The following EFTUD2 variants were observed in gnomAD, a reference collection of about 807,000 sequenced individuals.
EFTUD2 encodes elongation factor Tu GTP binding domain containing 2, also known as 116 kDa U5 small nuclear ribonucleoprotein component.
Under a neutral mutation model 114.3 loss-of-function variants are expected in EFTUD2, and 9 were observed. That is an observed-to-expected ratio of 0.08 (90% CI 0.05 to 0.14). The LOEUF (loss-of-function observed/expected upper bound fraction) is 0.14. EFTUD2 is among the 10% of genes least tolerant of loss of function. The pLI is 1.00. For synonymous variants in EFTUD2, 449 were observed against 462.3 expected (o/e 0.97, Z 0.37); for missense variants, 765 against 1,241.2 (o/e 0.62, Z 5.76).
At chr17:44,863,822 C>T (rs1414054384) in intron 14 of EFTUD2, 40 bp from the exon 15 acceptor site, 1 of 1,607,938 alleles carries the variant, frequency 6.2e-7, no homozygotes, top group Admixed American at 1.7e-5. Flanking sequence ...ACATGCCTTC[C>T]CAGGGAGCAC....
intron 13 of EFTUD2, among the ~76,000 whole-genome samples, chr17:44,865,863 G>T (rs2050738080): frequency 6.6e-6 from 1 of 151,806 alleles, no homozygotes; most frequent in African/African-American, 2.4e-5. Flanking sequence ...CCAGCCTGGA[G>T]TGCAGTGGTG....
chr17:44,853,444 T>G, intron 24 of EFTUD2, 54 bp from the exon 25 acceptor site: 15 of 1,612,294 alleles, frequency 9.3e-6, no homozygotes, highest in Admixed American at 5.0e-5. Context: ...TGGGGGCCTA[T>G]AGTCCCACTT....
At chr17:44,859,276 A>G (rs1344148091) in intron 18 of EFTUD2, 95 bp from the exon 19 acceptor site, 3 of 857,682 alleles carry the variant, frequency 3.5e-6, no homozygotes, top group Non-Finnish European at 6.0e-6. Flanking sequence ...GAAGTTGCCT[A>G]TCAGAAACAG....
At chr17:44,889,308 A>C (rs2051236514) in intron 2 of EFTUD2, among the ~76,000 whole-genome samples, 1 of 152,034 alleles carries the variant, frequency 6.6e-6, no homozygotes, top group East Asian at 1.9e-4. Context: ...AAATGGGAGG[A>C]GAGGATCTGG....
At chr17:44,872,361 C>T (rs1444974021) in intron 11 of EFTUD2, 85 bp downstream of exon 11, 14 of 1,573,628 alleles carry the variant, frequency 8.9e-6, no homozygotes, top group East Asian at 4.7e-5. Flanking sequence ...GGTGCTGATA[C>T]GAAGCCAATT....
chr17:44,874,969 A>G (rs558260864), intron 10 of EFTUD2, among the ~76,000 whole-genome samples: 2 of 152,338 alleles, frequency 1.3e-5, no homozygotes, highest in East Asian at 3.9e-4. Flanking sequence ...ATTTGCTACT[A>G]TTGCTGTTAG....
intron 1 of EFTUD2, among the ~76,000 whole-genome samples, chr17:44,897,567 ATTTT>A (rs984606154): frequency 6.6e-6 from 1 of 151,928 alleles, no homozygotes; most frequent in African/African-American, 2.4e-5. Context: ...TTACATTTTT[ATTTT>A]TTTATTTTTT....
chr17:44,864,916 G>A lies in EFTUD2; in HGVS notation c.1285+14C>T, dbSNP rs762384585. 25 of 1,613,206 alleles carry A rather than the reference G, an allele frequency of 1.5e-5. No individual in the cohort carries two copies. The highest frequency in any genetic ancestry group is 6.7e-5 in the African/African-American group (5 of 74,898). Reference sequence around the variant, plus strand: ...GAGGATGACAGAGTTAAGGGGCCACGAGCACATTATTACCTGTGAACTCGC... The same window carrying A: ...GAGGATGACAGAGTTAAGGGGCCACAAGCACATTATTACCTGTGAACTCGC... On this transcript the variant is annotated intron_variant, in intron 14 of 27. Coordinates refer to ENST00000426333, the MANE Select transcript of EFTUD2 (RefSeq NM_004247.4).
At chr17:44,891,761 A>T (rs2051284035) in intron 2 of EFTUD2, 1 of 152,222 alleles carries the variant, frequency 6.6e-6, no homozygotes, top group African/African-American at 2.4e-5. Context: ...GTATATTCAC[A>T]GAATTGTGCA....
At chr17:44,869,777 T>C (rs2050813624) in intron 11 of EFTUD2, among the ~76,000 whole-genome samples, 1 of 152,184 alleles carries the variant, frequency 6.6e-6, no homozygotes, top group South Asian at 2.1e-4. Context: ...TCCAAGCCAT[T>C]GAGGCTGAGC....
chr17:44,868,374 T>C (rs1373208202), intron 11 of EFTUD2, 24 bp from the exon 12 acceptor site: 2 of 1,611,002 alleles, frequency 1.2e-6, no homozygotes, highest in East Asian at 2.2e-5. Context: ...CACACAATTA[T>C]AATCTACCTA....
chr17:44,851,223 C>T lies in EFTUD2; in HGVS notation c.*51G>A, dbSNP rs180802836. 2.1e-6 allele frequency: 3 copies of T among 1,445,416 alleles called. No individual in the cohort carries two copies. Among genetic ancestry groups the T allele is most frequent in the South Asian group, 2.3e-5 (2 of 87,584 alleles). The allele number at this position is 1,445,416 out of a possible 1,614,324, so 89.5% of individuals were successfully genotyped here. A position where few individuals can be genotyped will look rare whatever the true frequency, so the allele number is the denominator to read the frequency against. ...TCATATGAGGTCTCAGCTTCAAGTA[C>T]AGGAGTTGCAGCCCACTGTAGGGAG... On this transcript the variant is annotated 3_prime_UTR_variant, in exon 28 of 28. Transcript: ENST00000426333.
rs2051472286 is a variant in EFTUD2 at position 44,899,431 on chromosome 17, C to A, written c.-67G>T. The A allele has an allele frequency of 6.6e-6, 1 of 152,666 alleles. No individual in the cohort carries two copies. The highest frequency in any genetic ancestry group is 2.4e-5 in the African/African-American group (1 of 41,464). The allele number at this position is 152,666 out of a possible 1,614,324, so 9.5% of individuals were successfully genotyped here. A position where few individuals can be genotyped will look rare whatever the true frequency, so the allele number is the denominator to read the frequency against. On this transcript the variant is annotated 5_prime_UTR_variant, in exon 1 of 28. Transcript: ENST00000426333. ...CGGAGATCGTGCTTCCGCCCCACGC[C>A]GAGGAAACGCCTGCGCCCGCCGCCA...
chr17:44,883,749 A>G, intron 4 of EFTUD2, 25 bp from the exon 5 acceptor site: 1 of 1,611,938 alleles, frequency 6.2e-7, no homozygotes, highest in Non-Finnish European at 8.5e-7. Flanking sequence ...GAAAAGAGAA[A>G]AGAGAGATTG....
At chr17:44,883,937 T>C (rs1192907046) in intron 4 of EFTUD2, 1 of 564,292 alleles carries the variant, frequency 1.8e-6, no homozygotes, top group Admixed American at 3.0e-5. Flanking sequence ...GAATGGACTA[T>C]CACGGGGATT....
At chr17:44,859,353 G>C (rs1597794492) in intron 18 of EFTUD2, 172 bp from the exon 19 acceptor site, 1 of 627,438 alleles carries the variant, frequency 1.6e-6, no homozygotes, top group East Asian at 2.7e-5. Flanking sequence ...CTATGAGTGG[G>C]TCCTCAAGAC....
chr17:44,855,132 G>A (rs2050525793), intron 20 of EFTUD2, 128 bp from the exon 21 acceptor site: 3 of 806,962 alleles, frequency 3.7e-6, no homozygotes, highest in Middle Eastern at 4.5e-4. Context: ...GCCAAGCGTG[G>A]TGGTTCAGAC....
At chr17:44,856,993 A>G (rs2050568839) in intron 20 of EFTUD2, 82 bp downstream of exon 20, 2 of 1,182,886 alleles carry the variant, frequency 1.7e-6, no homozygotes, top group African/African-American at 1.5e-5. Context: ...CATAGTGCTC[A>G]TGGTGGGGGT....
intron 13 of EFTUD2, 127 bp downstream of exon 13, chr17:44,867,680 C>A (rs1255176788): frequency 7.2e-6 from 5 of 690,076 alleles, no homozygotes; most frequent in Non-Finnish European, 1.1e-5. Context: ...AATTAGTGAC[C>A]AACAACCACC....
Sources: allele counts gnomAD v4.1 joint callset (sites outside exome capture counted in the v4.1 genomes callset), GRCh38; gene constraint gnomAD v4.1.1; transcripts MANE v1.5; gene names NCBI Gene and HGNC (gene_info 2026-07-23, HGNC 2026-07-21).